KIAA0232: variants seen among roughly 807,000 people sequenced by gnomAD.
The protein encoded by KIAA0232 is KIAA0232.
KIAA0232 carries 27 observed loss-of-function variants against 122.0 expected under a neutral mutation model. That is an observed-to-expected ratio of 0.22 (90% confidence interval 0.16 to 0.31). The LOEUF (loss-of-function observed/expected upper bound fraction) is 0.31, where lower values mean the gene tolerates loss of function less well. Ranked by LOEUF, KIAA0232 falls within the 10% of genes least tolerant of loss-of-function variation. The pLI, the probability that KIAA0232 is intolerant of heterozygous loss-of-function variation, is 1.00. For synonymous variants in KIAA0232, 613 were observed against 587.6 expected, an observed-to-expected ratio of 1.04 and a Z score of -0.63; for missense variants, 1,551 against 1,634.2, an observed-to-expected ratio of 0.95 and a Z score of 0.88.
intron 1 of KIAA0232, among the ~76,000 whole-genome samples, chr4:6,784,662 A>G (rs1042289993): frequency 2.6e-5 from 4 of 152,206 alleles, no homozygotes; most frequent in African/African-American, 4.8e-5. Context: ...TAAATAATGC[A>G]TTTTTAATCA....
chr4:6,785,359 A>T (rs555817038), intron 1 of KIAA0232, among the ~76,000 whole-genome samples: 2 of 152,104 alleles, frequency 1.3e-5, no homozygotes, highest in African/African-American at 4.8e-5. Context: ...TTTATTTTTC[A>T]TTGTGTGGAA....
At chr4:6,792,284 G>C (rs1716930889) in intron 1 of KIAA0232, among the ~76,000 whole-genome samples, 2 of 152,076 alleles carry the variant, frequency 1.3e-5, no homozygotes, top group African/African-American at 4.8e-5. Context: ...GATATGAAGA[G>C]TTTCCAGGTT....
chr4:6,811,469 G>A lies in KIAA0232; in HGVS notation c.-270+6863G>A, dbSNP rs192202822. ...TTTTGCTTTTTCTTTCTGAGACAGG[G>A]TCTCACTCTGTCACCTAGGCTGGAG... On this transcript the variant is annotated intron_variant, in intron 2 of 9. Coordinates refer to ENST00000307659, the MANE Select transcript of KIAA0232 (RefSeq NM_014743.3). Among the ~76,000 whole-genome samples, 46 of 152,194 alleles carry A rather than the reference G, an allele frequency of 3.0e-4. 1 individual carries two copies. The highest frequency in any genetic ancestry group is 2.6e-3 in the Admixed American group (40 of 15,286).
rs114659080 is a variant in KIAA0232, at chr4:6,870,957, G to T, written c.3802-617G>T. Reference sequence around the variant, plus strand: ...TTCCCCATTACCTGTATGCACTTGGGGAATCTAGAAGTTTGCCTTGCTTGG... The same window carrying T: ...TTCCCCATTACCTGTATGCACTTGGTGAATCTAGAAGTTTGCCTTGCTTGG... On this transcript the variant is annotated intron_variant, in intron 7 of 9. Transcript: ENST00000307659. Among the ~76,000 whole-genome samples, 1,017 of 152,252 alleles carry T rather than the reference G, an allele frequency of 6.7e-3. 9 individuals are homozygous for T. The highest frequency in any genetic ancestry group is 0.023 in the African/African-American group (956 of 41,548).
At chr4:6,812,703 G>A (rs1169077488) in intron 2 of KIAA0232, among the ~76,000 whole-genome samples, 3 of 152,198 alleles carry the variant, frequency 2.0e-5, no homozygotes, top group Admixed American at 1.3e-4. Flanking sequence ...ATATCGGCAA[G>A]TGAATATATC....
At position 6,861,786 on chromosome 4, in the gene KIAA0232, T is replaced by C; in HGVS notation, c.1404T>C (p.Gly468=). The change falls in exon 7 of 10, where the codon GGT becomes GGC. Residue 468 remains glycine, a synonymous_variant. Coordinates refer to ENST00000307659, the MANE Select transcript of KIAA0232 (RefSeq NM_014743.3). ...TYLAAGTFID[G]HFVEMPAVIN... ...TCGCAGCAGGTACTTTCATTGATGG[T>C]CATTTTGTAGAAATGCCTGCAGTTA... The C allele has an allele frequency of 1.9e-6, 3 of 1,614,152 alleles. No individual in the cohort carries two copies. The highest frequency in any genetic ancestry group is 8.5e-7 in the Non-Finnish European group (1 of 1,180,018).
rs902025488 is a variant in KIAA0232, at chr4:6,855,276, C to T, written c.370-1888C>T. 7.2e-5 allele frequency among the ~76,000 whole-genome samples: 11 copies of T among 151,916 alleles called. No homozygotes were observed. Among genetic ancestry groups the T allele is most frequent in the Admixed American group, 3.9e-4 (6 of 15,252 alleles). ...ATTTTTTTTGTATTTTTAGTAGAAA[C>T]GGGGTTTCACCATGTTCGCCAGGCT... On this transcript the variant is annotated intron_variant, in intron 4 of 9. Coordinates refer to ENST00000307659, the MANE Select transcript of KIAA0232 (RefSeq NM_014743.3). This position sits in a 1 kb window ranked among gnomAD's most constrained non-coding sequence, Gnocchi z 4.3.
intron 3 of KIAA0232, among the ~76,000 whole-genome samples, chr4:6,837,351 C>A (rs879510776): frequency 6.9e-6 from 1 of 144,582 alleles, no homozygotes; most frequent in African/African-American, 2.6e-5. Flanking sequence ...ACATCCCAGA[C>A]GATGGGCGGC....
chr4:6,801,401 C>G (rs1445804041), intron 1 of KIAA0232, among the ~76,000 whole-genome samples: 1 of 152,174 alleles, frequency 6.6e-6, no homozygotes, highest in Non-Finnish European at 1.5e-5. Flanking sequence ...TGAAAAGATG[C>G]CACTAGGCCA....
chr4:6,880,844 G>C lies in KIAA0232; in HGVS notation c.4066G>C (p.Asp1356His), dbSNP rs749606738. The C allele has an allele frequency of 6.2e-7, 1 of 1,607,104 alleles. No individual in the cohort carries two copies. Among genetic ancestry groups the C allele is most frequent in the African/African-American group, 1.3e-5 (1 of 74,988 alleles). ...TGERDSGAKS[D>H]GFRGKMCSSA... ...AGAGAGAGATTCTGGAGCAAAGTCA[G>C]ATGGCTTCCGCGGAAAGATGTGCTC... The change falls in exon 10 of 10, where the codon GAT (aspartate) becomes CAT (histidine). Residue 1356 changes from aspartate to histidine, a missense_variant. By Grantham distance (81) the Asp-to-His change is moderately conservative. Coordinates refer to ENST00000307659, the MANE Select transcript of KIAA0232 (RefSeq NM_014743.3).
intron 3 of KIAA0232, among the ~76,000 whole-genome samples, chr4:6,830,110 A>G (rs1718888088): frequency 6.6e-6 from 1 of 152,208 alleles, no homozygotes; most frequent in Admixed American, 6.5e-5. Flanking sequence ...GTAAAAGCAA[A>G]CACATATGTA....
chr4:6,839,031 C>T lies in KIAA0232; in HGVS notation c.232-3036C>T, dbSNP rs553164230. 1.2e-4 allele frequency among the ~76,000 whole-genome samples: 18 copies of T among 152,230 alleles called. No homozygotes were observed. In the South Asian group the frequency reaches 3.7e-3, roughly 32 times the overall value. On this transcript the variant is annotated intron_variant, in intron 3 of 9. Transcript: ENST00000307659. ...GCAATCCCAGCTACTCAGGCTAAGG[C>T]ACGAGAATCTCTTGAACCCAGGAGG...
At chr4:6,833,161 G>C (rs1013813121) in intron 3 of KIAA0232, among the ~76,000 whole-genome samples, 1 of 152,204 alleles carries the variant, frequency 6.6e-6, no homozygotes, top group Non-Finnish European at 1.5e-5. Context: ...AATAGGAACT[G>C]TAAAAGTCTG....
At chr4:6,851,886 C>T (rs1720305871) in intron 4 of KIAA0232, among the ~76,000 whole-genome samples, 2 of 152,148 alleles carry the variant, frequency 1.3e-5, no homozygotes, top group Middle Eastern at 3.2e-3. Flanking sequence ...CAGCTTCACA[C>T]AGCACAGCAG....
At chr4:6,825,392 A>G (rs1442170237) in intron 3 of KIAA0232, among the ~76,000 whole-genome samples, 2 of 152,100 alleles carry the variant, frequency 1.3e-5, no homozygotes, top group African/African-American at 2.4e-5. Flanking sequence ...TACAAAAAGT[A>G]TTAAAAAATT....
At chr4:6,840,744 T>C (rs1180687662) in intron 3 of KIAA0232, among the ~76,000 whole-genome samples, 2 of 150,426 alleles carry the variant, frequency 1.3e-5, no homozygotes, top group African/African-American at 4.9e-5. Flanking sequence ...TTTGAGACAC[T>C]CCTAACCTCG....
intron 2 of KIAA0232, among the ~76,000 whole-genome samples, chr4:6,817,785 TTGTGG>T (rs1718207130): frequency 6.6e-6 from 1 of 152,204 alleles, no homozygotes; most frequent in Non-Finnish European, 1.5e-5. Flanking sequence ...TCTAGTGTAA[TTGTGG>T]ACTTGTTTAT....
chr4:6,820,662 A>C (rs1718378852), intron 2 of KIAA0232, among the ~76,000 whole-genome samples: 1 of 152,148 alleles, frequency 6.6e-6, no homozygotes, highest in Non-Finnish European at 1.5e-5. Context: ...AAGCTCTACA[A>C]TGTTTTGTAT....
chr4:6,831,159 G>A (rs576523742), intron 3 of KIAA0232, among the ~76,000 whole-genome samples: 3 of 152,178 alleles, frequency 2.0e-5, no homozygotes, highest in Non-Finnish European at 4.4e-5. Context: ...AGGTTCAAGC[G>A]ATTCTCCTGC....
Sources: gnomAD v4.1 joint callset for allele counts (sites outside exome capture counted in the v4.1 genomes callset) on GRCh38, gnomAD v4.1.1 for gene constraint, Gnocchi (gnomAD v3.1) non-coding constraint, MANE v1.5 for transcripts, NCBI Gene and HGNC (gene_info 2026-07-23, HGNC 2026-07-21) for gene names.